The following SYNE2 variants were observed in gnomAD, a reference collection of about 807,000 sequenced individuals.
The protein encoded by SYNE2 is spectrin repeat containing nuclear envelope protein 2, also known as nesprin-2.
In SYNE2, 431 loss-of-function variants were observed where a neutral mutation model predicts 856.3. The ratio of observed to expected loss-of-function variants is 0.50; its 90% CI spans 0.47 to 0.55. The LOEUF (loss-of-function observed/expected upper bound fraction) is 0.55. SYNE2 is among the 20% of genes least tolerant of loss of function. The pLI is 0.00. For synonymous variants in SYNE2, 2,923 were observed against 2,872.3 expected, an observed-to-expected ratio of 1.02 and a Z score of -0.56; for missense variants, 8,129 against 8,023.2, an observed-to-expected ratio of 1.01 and a Z score of -0.50.
At chr14:64,170,118 T>C in intron 93 of SYNE2, 110 bp from the exon 94 acceptor site, 1 of 1,062,636 alleles carries the variant, frequency 9.4e-7, no homozygotes, top group Non-Finnish European at 1.4e-6. Flanking sequence ...TGGGATTTTT[T>C]TCATGTAAAT....
chr14:63,852,954 C>G (rs1385391720), upstream of SYNE2: 1 of 151,768 alleles, frequency 6.6e-6, no homozygotes. Context: ...GCGGGGAAGG[C>G]GCGGGGCGTG....
At chr14:64,165,939 TG>T in intron 90 of SYNE2, among the ~76,000 whole-genome samples, 1 of 152,350 alleles carries the variant, frequency 6.6e-6, no homozygotes, top group African/African-American at 2.4e-5. Flanking sequence ...TTGTAGTAGA[TG>T]TTTTTTCATA....
chr14:63,864,530 G>C (rs1894688560), intron 1 of SYNE2: 1 of 152,188 alleles, frequency 6.6e-6, no homozygotes, highest in African/African-American at 2.4e-5. Context: ...TGTTTTCTTA[G>C]CAACTGCTGT....
chr14:63,840,331 T>C (rs1159673144), intron 1 of SYNE2, among the ~76,000 whole-genome samples: 1 of 152,070 alleles, frequency 6.6e-6, no homozygotes. Context: ...CATTTTAGCA[T>C]GGGAACTGGT....
At position 63,974,851 on chromosome 14, in the gene SYNE2, CATGTGTGTGTGT is replaced by C. The variant is rs2096522549; in HGVS notation, c.1129-1711_1129-1700del. ...GTATATAGACGTGTGTGTGTGTGTA[CATGTGTGTGTGT>C]GTGTGTGTGTGTGTGTGTGTGTGTG... On this transcript the variant is annotated intron_variant, in intron 11 of 115. Coordinates refer to ENST00000555002, the MANE Select transcript of SYNE2 (RefSeq NM_182914.3). Among the ~76,000 whole-genome samples, 304 of 52,724 alleles carry C rather than the reference CATGTGTGTGTGT, an allele frequency of 5.8e-3. 6 individuals carry two copies. Among genetic ancestry groups the C allele is most frequent in the African/African-American group, 0.014 (231 of 16,592 alleles). 34.6% of individuals were successfully genotyped at this position (52,724 alleles called of 152,430 possible). A position where few individuals can be genotyped will look rare whatever the true frequency, so the allele number is the denominator to read the frequency against.
At chr14:64,223,770 T>C (rs2098705380) in intron 113 of SYNE2, among the ~76,000 whole-genome samples, 1 of 152,030 alleles carries the variant, frequency 6.6e-6, no homozygotes, top group Non-Finnish European at 1.5e-5. Context: ...GGGATCCAAC[T>C]CAAAACAAAG....
chr14:63,919,444 A>G (rs953215043), intron 2 of SYNE2, among the ~76,000 whole-genome samples: 10 of 152,198 alleles, frequency 6.6e-5, no homozygotes, highest in Non-Finnish European at 1.3e-4. Context: ...AAGCTCTAGG[A>G]TAGAAGCAAG....
rs1468006001 is a variant in SYNE2, at chr14:64,137,804, T to A, written c.14664T>A (p.Ile4888=). The part of the protein sequence containing the change: ...ISFYQQIKRN[I]GGKHARLYQT... ...TTTATTAGCAAATAAAAAGAAACAT[T>A]GGTGGAAAACACGCCCGGCTTTACC... Residue 4888 remains isoleucine (I), a synonymous_variant, in exon 79 of 116, where the codon ATT becomes ATA. Coordinates refer to ENST00000555002, the MANE Select transcript of SYNE2 (RefSeq NM_182914.3). 1.2e-6 allele frequency: 2 copies of A among 1,614,196 alleles called. No individual in the cohort carries two copies. Among genetic ancestry groups the A allele is most frequent in the Admixed American group, 1.7e-5 (1 of 60,030 alleles).
chr14:63,786,162 C>T (rs184099530), intron 1 of SYNE2, among the ~76,000 whole-genome samples: 5 of 151,002 alleles, frequency 3.3e-5, no homozygotes, highest in African/African-American at 7.3e-5. Context: ...AGGCAGGAGA[C>T]TCTCTTGAAC....
At chr14:64,139,033 G>GACCC (rs2098120419) in intron 79 of SYNE2, among the ~76,000 whole-genome samples, 1 of 151,692 alleles carries the variant, frequency 6.6e-6, no homozygotes, top group African/African-American at 2.4e-5. Context: ...ACCCAGGCTG[G>GACCC]AGTGCAGTGG....
chr14:64,028,942 C>T (rs565889799), intron 43 of SYNE2, among the ~76,000 whole-genome samples: 1 of 152,174 alleles, frequency 6.6e-6, no homozygotes, highest in African/African-American at 2.4e-5. Flanking sequence ...TTGAGATCAT[C>T]CTGGCCAACA....
rs1430734342 is a variant in SYNE2, at chr14:64,016,606, ATAT to A, written c.4867_4869del (p.Ile1623del). ...GAGCCCCCTTTTGAAAAAGAGGCTA[ATAT>A]TATTGTGGATAGATGGCTTGATGTA... On this transcript the variant is annotated inframe_deletion, in exon 33 of 116. Coordinates refer to ENST00000555002, the MANE Select transcript of SYNE2 (RefSeq NM_182914.3). 6.9e-6 allele frequency: 11 copies of A among 1,598,502 alleles called. No homozygotes were observed. The highest frequency in any genetic ancestry group is 8.5e-6 in the Non-Finnish European group (10 of 1,169,604).
chr14:64,200,769 TTA>T (rs1477602940), intron 99 of SYNE2, among the ~76,000 whole-genome samples: 1 of 150,944 alleles, frequency 6.6e-6, no homozygotes, highest in African/African-American at 2.5e-5. Context: ...CTTTCACATG[TTA>T]TATCTCATTC....
At chr14:63,930,844 G>A (rs2095744510) in intron 2 of SYNE2, among the ~76,000 whole-genome samples, 1 of 152,092 alleles carries the variant, frequency 6.6e-6, no homozygotes, top group African/African-American at 2.4e-5. Context: ...TAATAAACAA[G>A]CAAACATAAG....
At chr14:63,787,562 T>A (rs1056233195) in intron 1 of SYNE2, among the ~76,000 whole-genome samples, 3 of 152,186 alleles carry the variant, frequency 2.0e-5, no homozygotes, top group African/African-American at 7.2e-5. Context: ...GGAACTTCAT[T>A]GAGTGTTAGA....
At chr14:64,179,633 CTTTATAG>C (rs1224326444) in intron 96 of SYNE2, among the ~76,000 whole-genome samples, 1 of 152,094 alleles carries the variant, frequency 6.6e-6, no homozygotes, top group East Asian at 1.9e-4. Flanking sequence ...GATAGTATCT[CTTTATAG>C]TTTATTAGTC....
At chr14:64,013,199 CAAG>C (rs1277755280) in intron 32 of SYNE2, among the ~76,000 whole-genome samples, 1 of 151,964 alleles carries the variant, frequency 6.6e-6, no homozygotes, top group Non-Finnish European at 1.5e-5. Flanking sequence ...GCTAGTTTAA[CAAG>C]AAAGTTCTTT....
At chr14:63,891,364 G>C (rs2095127404) in intron 1 of SYNE2, among the ~76,000 whole-genome samples, 1 of 152,186 alleles carries the variant, frequency 6.6e-6, no homozygotes, top group African/African-American at 2.4e-5. Flanking sequence ...ATAGGAAAAG[G>C]GGAGTCACTT....
rs200771003 is a variant in SYNE2 at position 63,986,633 on chromosome 14, T to C, written c.2313+16T>C. The C allele has an allele frequency of 1.2e-6, 2 of 1,613,278 alleles. No homozygotes were observed. The highest frequency in any genetic ancestry group is 2.7e-5 in the African/African-American group (2 of 75,048). ...ATCTTTGAAGGTATGTGTGTAAAAG[T>C]ATTAAGAGGGTACTTTCATGGTTGT... is the stretch of plus-strand genomic sequence containing the variant. On this transcript the variant is annotated intron_variant, in intron 19 of 115. Transcript: ENST00000555002.
Sources: gnomAD v4.1 joint callset for allele counts (sites outside exome capture counted in the v4.1 genomes callset) on GRCh38, gnomAD v4.1.1 for gene constraint, MANE v1.5 for transcripts, NCBI Gene and HGNC (gene_info 2026-07-23, HGNC 2026-07-21) for gene names.